CLEC16A: variants seen among roughly 807,000 people sequenced by gnomAD.
CLEC16A encodes protein CLEC16A.
CLEC16A carries 51 observed loss-of-function variants against 109.5 expected under a neutral mutation model. The ratio of observed to expected loss-of-function variants is 0.47; its 90% confidence interval spans 0.37 to 0.59. The LOEUF (loss-of-function observed/expected upper bound fraction) is 0.59. Among genes scored for constraint, CLEC16A ranks in the 20% least tolerant of loss-of-function variants. CLEC16A has a pLI of 0.00. For synonymous variants in CLEC16A, 673 were observed against 564.2 expected (o/e 1.19, Z -2.73); for missense variants, 1,339 against 1,394.0 (o/e 0.96, Z 0.63).
chr16:11,110,450 C>G (rs2051509072), intron 19 of CLEC16A, among the ~76,000 whole-genome samples: 1 of 152,196 alleles, frequency 6.6e-6, no homozygotes, highest in South Asian at 2.1e-4. Flanking sequence ...GCCTGTGTAT[C>G]TTGCATATTC....
At chr16:11,051,442 A>C in intron 17 of CLEC16A, 71 bp from the exon 18 acceptor site, 1 of 1,539,540 alleles carries the variant, frequency 6.5e-7, no homozygotes, top group Admixed American at 1.8e-5. Context: ...GGGCCTGTGC[A>C]ACCTCCCCCG....
chr16:11,095,533 C>T (rs955048354), intron 19 of CLEC16A, among the ~76,000 whole-genome samples: 2 of 152,176 alleles, frequency 1.3e-5, no homozygotes, highest in East Asian at 1.9e-4. Context: ...GAGCTACAGC[C>T]GGGCACGATG....
At chr16:11,009,619 G>C (rs1597025549) in intron 11 of CLEC16A, among the ~76,000 whole-genome samples, 2 of 152,184 alleles carry the variant, frequency 1.3e-5, no homozygotes, top group East Asian at 3.9e-4. Context: ...TACAAGGCTA[G>C]GCGCTGGAGT....
intron 11 of CLEC16A, among the ~76,000 whole-genome samples, chr16:11,018,305 A>C (rs1215846148): frequency 1.4e-5 from 2 of 146,220 alleles, no homozygotes; most frequent in East Asian, 4.0e-4. Context: ...AAAAAAAAAA[A>C]CAGGTGAAGA....
At chr16:11,009,344 G>T (rs759487171) in intron 11 of CLEC16A, among the ~76,000 whole-genome samples, 1 of 152,124 alleles carries the variant, frequency 6.6e-6, no homozygotes, top group Non-Finnish European at 1.5e-5. Context: ...CTCCTCTGTT[G>T]ATGGACACTT....
chr16:11,059,479 G>A (rs2048371298), intron 18 of CLEC16A, among the ~76,000 whole-genome samples: 1 of 152,200 alleles, frequency 6.6e-6, no homozygotes. Context: ...ACTGGTTAGG[G>A]CGCAAGGCAG....
At chr16:11,138,063 A>G (rs2053652437) in intron 22 of CLEC16A, among the ~76,000 whole-genome samples, 1 of 152,106 alleles carries the variant, frequency 6.6e-6, no homozygotes, top group Admixed American at 6.5e-5. Context: ...GGTGGAGAAG[A>G]ATTGGGGTAG....
chr16:10,998,199 G>A (rs1029803859), intron 10 of CLEC16A, among the ~76,000 whole-genome samples: 13 of 152,204 alleles, frequency 8.5e-5, no homozygotes, highest in African/African-American at 2.7e-4. Flanking sequence ...GATGGAAGAC[G>A]TCATTAACCA....
At chr16:11,141,357 C>G (rs942350579) in intron 22 of CLEC16A, among the ~76,000 whole-genome samples, 1 of 152,244 alleles carries the variant, frequency 6.6e-6, no homozygotes, top group Non-Finnish European at 1.5e-5. Context: ...GTGCAGAGGA[C>G]AGCTCACTCA....
chr16:11,146,563 G>C (rs1197386578), intron 22 of CLEC16A, among the ~76,000 whole-genome samples: 2 of 150,590 alleles, frequency 1.3e-5, no homozygotes, highest in Non-Finnish European at 3.0e-5. Flanking sequence ...GATGGAGGTG[G>C]AGGGAGAGGG....
intron 19 of CLEC16A, among the ~76,000 whole-genome samples, chr16:11,078,600 A>G (rs1057350119): frequency 6.6e-6 from 1 of 152,170 alleles, no homozygotes; most frequent in Admixed American, 6.5e-5. Context: ...TCATGGGTGA[A>G]TGACATTTCT....
chr16:11,156,521 C>T, intron 22 of CLEC16A: 1 of 1,137,884 alleles, frequency 8.8e-7, no homozygotes, highest in South Asian at 1.3e-5. Flanking sequence ...GCGCCTGTGC[C>T]TGGGAGTCTC....
chr16:11,178,834 A>G lies in CLEC16A; in HGVS notation c.*144A>G, dbSNP rs2068868940. ...AACCACCTATCCCTGCGCTCCCTTG[A>G]ATGGGAAGAAGCCCCACGTTGTCCT... On this transcript the variant is annotated 3_prime_UTR_variant, in exon 24 of 24. Coordinates refer to ENST00000409790, the MANE Select transcript of CLEC16A (RefSeq NM_015226.3). The surrounding 1 kb of genome is among the most constrained non-coding windows in gnomAD (Gnocchi z 6.5). 4 of 602,330 alleles carry G rather than the reference A, an allele frequency of 6.6e-6. No individual in the cohort carries two copies. Among genetic ancestry groups the G allele is most frequent in the Non-Finnish European group, 8.5e-6 (3 of 354,538 alleles). The allele number at this position is 602,330 out of a possible 1,614,324, so 37.3% of individuals were successfully genotyped here.
At chr16:11,006,963 T>C (rs1420685269) in intron 11 of CLEC16A, among the ~76,000 whole-genome samples, 1 of 152,212 alleles carries the variant, frequency 6.6e-6, no homozygotes, top group Non-Finnish European at 1.5e-5. Context: ...ATCGTCCCTG[T>C]AGGCAAAGAA....
intron 19 of CLEC16A, among the ~76,000 whole-genome samples, chr16:11,073,441 C>CT (rs1422298413): frequency 6.6e-6 from 1 of 152,166 alleles, no homozygotes; most frequent in Non-Finnish European, 1.5e-5. Flanking sequence ...TGCCCAGTAT[C>CT]TCCCCCATTC....
At chr16:11,025,069 G>T in intron 13 of CLEC16A, 148 bp downstream of exon 13, 1 of 612,666 alleles carries the variant, frequency 1.6e-6, no homozygotes, top group Non-Finnish European at 2.9e-6. Flanking sequence ...TTTGACTCCC[G>T]CTCCTCTTTA....
At chr16:11,074,027 CAT>C (rs1251690000) in intron 19 of CLEC16A, among the ~76,000 whole-genome samples, 7 of 152,210 alleles carry the variant, frequency 4.6e-5, no homozygotes, top group African/African-American at 1.7e-4. Flanking sequence ...CCTCTAATGA[CAT>C]ATACCAAGTA....
At chr16:11,164,285 T>C (rs928731117) in intron 22 of CLEC16A, among the ~76,000 whole-genome samples, 2 of 152,236 alleles carry the variant, frequency 1.3e-5, no homozygotes, top group African/African-American at 4.8e-5. Flanking sequence ...CTTGCCATTA[T>C]AGTCAGCGCT....
Position 10,961,429 on chromosome 16 carries a change from C to A in CLEC16A, c.210-1026C>A, listed in dbSNP as rs899700250. On this transcript the variant is annotated intron_variant, in intron 2 of 23. Coordinates refer to ENST00000409790, the MANE Select transcript of CLEC16A (RefSeq NM_015226.3). The surrounding 1 kb of genome is among the most constrained non-coding windows in gnomAD (Gnocchi z 4.3). ...ACAACTGAGTCAGCCCGCAGGCACA[C>A]CTCATTTCTTCCAAGTGTCCCAGAT... Among the ~76,000 whole-genome samples the A allele has an allele frequency of 6.6e-6, 1 of 152,194 alleles. No individual in the cohort carries two copies. The highest frequency in any genetic ancestry group is 2.4e-5 in the African/African-American group (1 of 41,422).
Sources: allele counts gnomAD v4.1 joint callset (sites outside exome capture counted in the v4.1 genomes callset), GRCh38; gene constraint gnomAD v4.1.1; non-coding constraint Gnocchi (gnomAD v3.1); transcripts MANE v1.5; gene names NCBI Gene and HGNC (gene_info 2026-07-23, HGNC 2026-07-21).